FAM53A: variants seen among roughly 807,000 people sequenced by gnomAD.
FAM53A encodes the protein family with sequence similarity 53 member A, also known as protein FAM53A.
Under a neutral mutation model 26.6 loss-of-function variants are expected in FAM53A, and 28 were observed. The observed-to-expected ratio is 1.05, with a 90% CI of 0.78 to 1.45. The LOEUF (loss-of-function observed/expected upper bound fraction) is 1.45, where lower values mean the gene tolerates loss of function less well. Ranked by LOEUF, FAM53A falls within the 40% of genes most tolerant of loss-of-function variation. The probability of loss-of-function intolerance (pLI) is 0.00; values close to 1 mark genes in which losing one functional copy is unlikely to be tolerated. For synonymous variants in FAM53A, 290 were observed against 253.1 expected, an observed-to-expected ratio of 1.15 and a Z score of -1.38; for missense variants, 650 against 575.8, an observed-to-expected ratio of 1.13 and a Z score of -1.32.
chr4:1,651,632 G>C (rs1560156495), intron 4 of FAM53A, among the ~76,000 whole-genome samples: 1 of 152,122 alleles, frequency 6.6e-6, no homozygotes, highest in Non-Finnish European at 1.5e-5. Flanking sequence ...GAATAACCGG[G>C]GTCAAGAGGA....
chr4:1,621,391 A>G (rs148152377), intron 1 of FAM53A, among the ~76,000 whole-genome samples: 4,842 of 152,158 alleles, frequency 0.032, 271 homozygotes, highest in African/African-American at 0.11. Context: ...GGCATGAGCC[A>G]CCGCGCCCGG....
intron 4 of FAM53A, among the ~76,000 whole-genome samples, chr4:1,650,178 C>T (rs527572081): frequency 1.7e-3 from 219 of 127,048 alleles, no homozygotes; most frequent in African/African-American, 6.4e-3. Context: ...GTGGCACAGG[C>T]GTGGCGTTTG....
At chr4:1,585,574 G>T in the FAM53A span, among the ~76,000 whole-genome samples, 3 of 151,602 alleles carry the variant, frequency 2.0e-5, no homozygotes, top group Non-Finnish European at 4.4e-5. Context: ...GTGAGCCACT[G>T]CACCCGGCCC....
chr4:1,652,738 C>T (rs1350318313), intron 4 of FAM53A, among the ~76,000 whole-genome samples: 5 of 147,622 alleles, frequency 3.4e-5, no homozygotes, highest in African/African-American at 1.3e-4. Context: ...AGAGACCACA[C>T]ACTGCACACA....
In FAM53A at chr4:1,659,026, A is replaced by C. The variant is rs1713629632; in HGVS notation, c.76-1558T>G. On this transcript the variant is annotated intron_variant, in intron 2 of 4. Coordinates refer to ENST00000308132, the MANE Select transcript of FAM53A (RefSeq NM_001174070.3). This position sits in a 1 kb window ranked among gnomAD's most constrained non-coding sequence, Gnocchi z 5.2. ...TATGATAACATTTCCAAACACGATA[A>C]AATTAAAAGGAAATCCTTCACTGCT... is the stretch of plus-strand genomic sequence containing the variant. Among the ~76,000 whole-genome samples, 1 of 152,226 alleles carries C rather than the reference A, an allele frequency of 6.6e-6. No homozygotes were observed. The highest frequency in any genetic ancestry group is 2.1e-4 in the South Asian group (1 of 4,834).
the FAM53A span, among the ~76,000 whole-genome samples, chr4:1,607,252 C>T: frequency 3.0e-4 from 45 of 152,148 alleles, no homozygotes; most frequent in Middle Eastern, 3.4e-3. Flanking sequence ...CTCTTGACCG[C>T]AAGTGATCCG....
chr4:1,668,515 C>A, intron 2 of FAM53A, 152 bp downstream of exon 2: 1 of 709,458 alleles, frequency 1.4e-6, no homozygotes. Flanking sequence ...GCTCTGGGGC[C>A]CACATGTGCA....
chr4:1,656,051 A>C (rs1200753353), intron 3 of FAM53A, among the ~76,000 whole-genome samples: 1 of 152,148 alleles, frequency 6.6e-6, no homozygotes, highest in East Asian at 1.9e-4. Context: ...CCGCATCCTC[A>C]AAATGCCCCT....
chr4:1,643,829 AG>A (rs745703737), intron 4 of FAM53A, among the ~76,000 whole-genome samples: 8 of 152,250 alleles, frequency 5.3e-5, no homozygotes, highest in Non-Finnish European at 8.8e-5. Context: ...AGCCTCCCAA[AG>A]TGCTGGGATT....
At chr4:1,669,745 G>A (rs1577146114) in intron 1 of FAM53A, among the ~76,000 whole-genome samples, 1 of 152,234 alleles carries the variant, frequency 6.6e-6, no homozygotes, top group African/African-American at 2.4e-5. Context: ...AGAGGGCAAG[G>A]CCTTCCTCAG....
chr4:1,631,592 G>A (rs1205131908), intron 1 of FAM53A, among the ~76,000 whole-genome samples: 6 of 152,142 alleles, frequency 3.9e-5, no homozygotes, highest in Admixed American at 2.0e-4. Context: ...CCATATCCAC[G>A]GTGCACTGGG....
intron 1 of FAM53A, among the ~76,000 whole-genome samples, chr4:1,678,696 T>C (rs11930901): frequency 0.087 from 13,217 of 151,820 alleles, 1,673 homozygotes; most frequent in African/African-American, 0.28. Flanking sequence ...GTGGCGTACA[T>C]CTGTAATCCC....
At chr4:1,669,596 G>A (rs1163262603) in intron 1 of FAM53A, among the ~76,000 whole-genome samples, 2 of 152,220 alleles carry the variant, frequency 1.3e-5, no homozygotes, top group Non-Finnish European at 2.9e-5. Context: ...TCCCCAAACT[G>A]CCCCGGCTTT....
At chr4:1,596,795 G>C in the FAM53A span, among the ~76,000 whole-genome samples, 1 of 152,122 alleles carries the variant, frequency 6.6e-6, no homozygotes, top group Non-Finnish European at 1.5e-5. Context: ...GAGAGACAGA[G>C]ACAGAGACAA....
At chr4:1,596,275 C>T in the FAM53A span, among the ~76,000 whole-genome samples, 2 of 152,366 alleles carry the variant, frequency 1.3e-5, no homozygotes, top group East Asian at 1.9e-4. Flanking sequence ...GTCCCCTCTA[C>T]ATAATTCCAT....
chr4:1,662,656 A>C (rs1160864312), intron 2 of FAM53A, among the ~76,000 whole-genome samples: 1 of 151,784 alleles, frequency 6.6e-6, no homozygotes, highest in Non-Finnish European at 1.5e-5. Flanking sequence ...TCTCAAAAAA[A>C]AAAAAAAAAA....
downstream of FAM53A, among the ~76,000 whole-genome samples, chr4:1,636,125 G>A (rs1245428342): frequency 3.3e-5 from 5 of 152,134 alleles, no homozygotes; most frequent in Non-Finnish European, 7.4e-5. Flanking sequence ...GGGATTACAG[G>A]CGTGAGCCGC....
intron 1 of FAM53A, among the ~76,000 whole-genome samples, chr4:1,671,245 A>G (rs34096982): frequency 3.3e-3 from 200 of 61,330 alleles, no homozygotes; most frequent in African/African-American, 0.012. Context: ...CCACAGCCAC[A>G]GCCCGGACTC....
the FAM53A span, among the ~76,000 whole-genome samples, chr4:1,607,592 G>T: frequency 6.6e-6 from 1 of 151,850 alleles, no homozygotes; most frequent in African/African-American, 2.4e-5. Context: ...CCCCACCACT[G>T]ATGTCCCCTA....
Sources: gnomAD v4.1 joint callset for allele counts (sites outside exome capture counted in the v4.1 genomes callset) on GRCh38, gnomAD v4.1.1 for gene constraint, Gnocchi (gnomAD v3.1) non-coding constraint, MANE v1.5 for transcripts, NCBI Gene and HGNC (gene_info 2026-07-23, HGNC 2026-07-21) for gene names.